The following ARHGAP24 variants were observed in gnomAD, a reference collection of about 807,000 sequenced individuals.
ARHGAP24 encodes the protein Rho GTPase activating protein 24, also known as rho GTPase-activating protein 24.
A neutral mutation model predicts 76.4 loss-of-function variants in ARHGAP24; 50 were observed. The ratio of observed to expected loss-of-function variants is 0.65; its 90% CI spans 0.52 to 0.83. The LOEUF is 0.83. Ranked by LOEUF, ARHGAP24 falls within the 40% of genes least tolerant of loss-of-function variation. The probability of loss-of-function intolerance (pLI) is 0.00; values close to 1 mark genes in which losing one functional copy is unlikely to be tolerated. For missense variants in ARHGAP24, 930 were observed against 914.2 expected (o/e 1.02, Z -0.22); for synonymous variants, 345 against 323.3 (o/e 1.07, Z -0.72).
chr4:85,812,568 A>G (rs1729060965), intron 3 of ARHGAP24, among the ~76,000 whole-genome samples: 1 of 152,168 alleles, frequency 6.6e-6, no homozygotes, highest in South Asian at 2.1e-4. Flanking sequence ...CCCAGTCTTA[A>G]CAATAAAACC....
chr4:85,795,822 A>G (rs1728318910), intron 3 of ARHGAP24, among the ~76,000 whole-genome samples: 1 of 152,228 alleles, frequency 6.6e-6, no homozygotes, highest in African/African-American at 2.4e-5. Context: ...TCTTTGCTTA[A>G]GGATACACAG....
intron 2 of ARHGAP24, among the ~76,000 whole-genome samples, chr4:85,659,841 G>A (rs1722312368): frequency 1.3e-5 from 2 of 152,072 alleles, no homozygotes; most frequent in Non-Finnish European, 2.9e-5. Context: ...TGGATCCAGG[G>A]GTAGTACCAC....
intron 3 of ARHGAP24, among the ~76,000 whole-genome samples, chr4:85,780,513 C>G (rs1200035791): frequency 6.6e-6 from 1 of 151,486 alleles, no homozygotes; most frequent in South Asian, 2.1e-4. Context: ...CTTTTTTTTT[C>G]CTCCTGTGTC....
At chr4:85,670,504 C>T (rs1439370241) in intron 2 of ARHGAP24, among the ~76,000 whole-genome samples, 2 of 152,140 alleles carry the variant, frequency 1.3e-5, no homozygotes, top group Non-Finnish European at 2.9e-5. Context: ...ATCAACTGAA[C>T]AGTTGAGAAC....
chr4:85,808,690 C>A (rs1728890877), intron 3 of ARHGAP24, among the ~76,000 whole-genome samples: 1 of 152,118 alleles, frequency 6.6e-6, no homozygotes, highest in Non-Finnish European at 1.5e-5. Context: ...GAAAGTTGGT[C>A]CTGGTGTAGC....
intron 9 of ARHGAP24, among the ~76,000 whole-genome samples, chr4:85,998,548 A>G (rs193139304): frequency 1.3e-5 from 2 of 151,444 alleles, no homozygotes; most frequent in African/African-American, 4.8e-5. Flanking sequence ...CACCTTCTCA[A>G]TTTTCTCTTT....
At chr4:85,681,052 G>C (rs536026641) in intron 2 of ARHGAP24, among the ~76,000 whole-genome samples, 86 of 152,170 alleles carry the variant, frequency 5.7e-4, no homozygotes, top group South Asian at 3.1e-3. Flanking sequence ...TTATACTGTA[G>C]AATGTTCTCA....
chr4:85,665,397 C>A (rs1469866848), intron 2 of ARHGAP24, among the ~76,000 whole-genome samples: 1 of 152,088 alleles, frequency 6.6e-6, no homozygotes, highest in Admixed American at 6.5e-5. Context: ...TTATTTTCAG[C>A]CTATGTGTGT....
At chr4:85,485,116 C>T (rs972213173) in intron 1 of ARHGAP24, among the ~76,000 whole-genome samples, 5 of 150,768 alleles carry the variant, frequency 3.3e-5, no homozygotes, top group South Asian at 4.3e-4. Context: ...GAGGCCAAGG[C>T]GGGTGGATCA....
rs150265140 is a variant in ARHGAP24, at chr4:85,727,758, C to CA, written c.268+5789dup. Among the ~76,000 whole-genome samples, 382 of 152,220 alleles carry CA rather than the reference C, an allele frequency of 2.5e-3. 2 individuals carry two copies. Among genetic ancestry groups the CA allele is most frequent in the African/African-American group, 8.8e-3 (364 of 41,512 alleles). On this transcript the variant is annotated intron_variant, in intron 3 of 9. Coordinates refer to ENST00000395184, the MANE Select transcript of ARHGAP24 (RefSeq NM_001025616.3). ...GCTGGGACTCAGTCCATCCACCAAG[C>CA]AAAGATTCTTCATGGCTTTCAAGGG...
intron 8 of ARHGAP24, among the ~76,000 whole-genome samples, chr4:85,988,756 A>C (rs1740152882): frequency 6.6e-6 from 1 of 151,644 alleles, no homozygotes; most frequent in South Asian, 2.1e-4. Context: ...TTCCAGTCTA[A>C]AGGCAGAGAT....
intron 2 of ARHGAP24, among the ~76,000 whole-genome samples, chr4:85,643,930 G>A (rs182728592): frequency 1.4e-4 from 21 of 152,302 alleles, no homozygotes; most frequent in African/African-American, 5.1e-4. Flanking sequence ...ATCTTTAATT[G>A]TGTTATTATT....
At chr4:85,797,207 C>T (rs955378680) in intron 3 of ARHGAP24, among the ~76,000 whole-genome samples, 3 of 151,342 alleles carry the variant, frequency 2.0e-5, no homozygotes, top group Admixed American at 6.6e-5. Flanking sequence ...GAGTCTTGCT[C>T]TGTTGCCCAG....
intron 3 of ARHGAP24, among the ~76,000 whole-genome samples, chr4:85,846,919 C>G (rs996798796): frequency 6.6e-6 from 1 of 152,150 alleles, no homozygotes; most frequent in African/African-American, 2.4e-5. Flanking sequence ...GCTTATAACT[C>G]AACTCATACA....
At chr4:85,603,330 T>C (rs1319340445) in intron 2 of ARHGAP24, among the ~76,000 whole-genome samples, 1 of 152,240 alleles carries the variant, frequency 6.6e-6, no homozygotes, top group Non-Finnish European at 1.5e-5. Context: ...TTCTTTTTCC[T>C]ATCTGCTGCC....
intron 3 of ARHGAP24, among the ~76,000 whole-genome samples, chr4:85,763,354 G>A (rs1280702775): frequency 6.6e-6 from 1 of 152,140 alleles, no homozygotes; most frequent in Non-Finnish European, 1.5e-5. Flanking sequence ...AAACAGCTGT[G>A]TCTTGTATTT....
intron 2 of ARHGAP24, among the ~76,000 whole-genome samples, chr4:85,669,640 T>A (rs1225211083): frequency 4.0e-4 from 42 of 105,148 alleles, no homozygotes; most frequent in African/African-American, 1.6e-3. Flanking sequence ...ACCCTGTACT[T>A]TCAAATATAT....
chr4:85,898,033 G>GTATATATA (rs61576453), intron 3 of ARHGAP24, among the ~76,000 whole-genome samples: 10 of 134,660 alleles, frequency 7.4e-5, no homozygotes, highest in Middle Eastern at 7.9e-3. Context: ...ACATATATGT[G>GTATATATA]TATATATATA....
At chr4:85,735,095 G>C (rs1725556200) in intron 3 of ARHGAP24, among the ~76,000 whole-genome samples, 1 of 151,960 alleles carries the variant, frequency 6.6e-6, no homozygotes, top group Non-Finnish European at 1.5e-5. Context: ...GTAATCTATT[G>C]ATTGTACTGT....
Sources: gnomAD v4.1 joint callset for allele counts (sites outside exome capture counted in the v4.1 genomes callset) on GRCh38, gnomAD v4.1.1 for gene constraint, MANE v1.5 for transcripts, NCBI Gene and HGNC (gene_info 2026-07-23, HGNC 2026-07-21) for gene names.